Variants in SEMA3A observed in about 807,000 individuals in gnomAD.
SEMA3A encodes the protein semaphorin-3A.
SEMA3A carries 29 observed loss-of-function variants against 97.9 expected under a neutral mutation model. That is an observed-to-expected ratio of 0.30 (90% CI 0.22 to 0.40). The LOEUF is 0.40. SEMA3A is among the 10% of genes least tolerant of loss of function. The pLI is 1.00. For synonymous variants in SEMA3A, 321 were observed against 323.7 expected (o/e 0.99, Z 0.09); for missense variants, 763 against 951.3 (o/e 0.80, Z 2.60).
chr7:84,210,932 T>C (rs1289078070), intron 3 of SEMA3A, among the ~76,000 whole-genome samples: 3 of 152,158 alleles, frequency 2.0e-5, no homozygotes, highest in African/African-American at 7.2e-5. Flanking sequence ...TTTTTTAATG[T>C]TATGGCTAGA....
chr7:84,259,166 C>T (rs1444805151), intron 3 of SEMA3A, among the ~76,000 whole-genome samples: 1 of 152,126 alleles, frequency 6.6e-6, no homozygotes, highest in Non-Finnish European at 1.5e-5. Context: ...GTATTTTAAA[C>T]TAATCAATAA....
At chr7:84,207,704 G>A (rs1221681162) in intron 3 of SEMA3A, among the ~76,000 whole-genome samples, 1 of 152,184 alleles carries the variant, frequency 6.6e-6, no homozygotes, top group Non-Finnish European at 1.5e-5. Flanking sequence ...ACTCAGGCAT[G>A]ATAAAATTTA....
chr7:84,339,769 A>T (rs1802119477), intron 2 of SEMA3A, among the ~76,000 whole-genome samples: 1 of 152,166 alleles, frequency 6.6e-6, no homozygotes, highest in African/African-American at 2.4e-5. Flanking sequence ...TCTGTGAAGT[A>T]GAGCTAAACG....
intron 4 of SEMA3A, among the ~76,000 whole-genome samples, chr7:84,066,039 G>A (rs1191957758): frequency 8.6e-5 from 13 of 151,498 alleles, no homozygotes; most frequent in South Asian, 2.1e-4. Flanking sequence ...CTGGCAAACC[G>A]AATCCAGCAG....
chr7:84,344,374 A>C (rs976640802), intron 2 of SEMA3A, among the ~76,000 whole-genome samples: 1 of 152,192 alleles, frequency 6.6e-6, no homozygotes, highest in African/African-American at 2.4e-5. Flanking sequence ...TCTCTCAGAG[A>C]AGAGCAATTA....
intron 1 of SEMA3A, among the ~76,000 whole-genome samples, chr7:84,384,439 A>G (rs1803349163): frequency 6.6e-6 from 1 of 152,208 alleles, no homozygotes; most frequent in Non-Finnish European, 1.5e-5. Flanking sequence ...AGAATTGTCT[A>G]ACCATAATTT....
At chr7:84,002,955 A>G (rs977734155) in intron 11 of SEMA3A, among the ~76,000 whole-genome samples, 20 of 152,158 alleles carry the variant, frequency 1.3e-4, no homozygotes, top group African/African-American at 4.8e-4. Flanking sequence ...TGATGGAATG[A>G]GGAACAGGGG....
Position 83,992,730 on chromosome 7 carries a change from C to T in SEMA3A, c.1453-7253G>A, listed in dbSNP as rs1444438528. Reference sequence around the variant, plus strand: ...CTTTTACATTTGCTGAGGAGAGCTTCCCTTCCAAGTATGTGGTCAATTTTG... The same window carrying T: ...CTTTTACATTTGCTGAGGAGAGCTTTCCTTCCAAGTATGTGGTCAATTTTG... On this transcript the variant is annotated intron_variant, in intron 12 of 16. Transcript: ENST00000265362. 3.3e-5 allele frequency among the ~76,000 whole-genome samples: 5 copies of T among 151,910 alleles called. No homozygotes were observed. The East Asian group carries it at 7.8e-4, about 24-fold the overall frequency.
chr7:83,977,276 T>A, intron 14 of SEMA3A, 80 bp from the exon 15 acceptor site: 2 of 650,472 alleles, frequency 3.1e-6, no homozygotes, highest in Non-Finnish European at 2.6e-6. Flanking sequence ...TGAAGAGAAA[T>A]AAAATATATA....
chr7:84,064,020 A>G (rs1168894859), intron 4 of SEMA3A, among the ~76,000 whole-genome samples: 1 of 152,072 alleles, frequency 6.6e-6, no homozygotes, highest in African/African-American at 2.4e-5. Context: ...AGCCAGAGAG[A>G]AAGGTCGGGT....
At chr7:84,051,069 A>G (rs905562318) in intron 5 of SEMA3A, among the ~76,000 whole-genome samples, 6 of 151,412 alleles carry the variant, frequency 4.0e-5, no homozygotes, top group African/African-American at 1.5e-4. Context: ...ATTGATCTAT[A>G]TCTCTGTTTT....
rs117595818 is a variant in SEMA3A, at chr7:84,376,277, G to C, written c.-245-4377C>G. Among the ~76,000 whole-genome samples, 1,218 of 152,074 alleles carry C rather than the reference G, an allele frequency of 8.0e-3. 42 individuals are homozygous for C. In the East Asian group the frequency reaches 0.084, roughly 11 times the overall value. ...GAGGAACTTTCACACTGTTTTTTATGGTTGTGCTAATTTACATTCTATCAA... is the reference window on the plus strand; with the variant it reads ...GAGGAACTTTCACACTGTTTTTTATCGTTGTGCTAATTTACATTCTATCAA... On this transcript the variant is annotated intron_variant, in intron 1 of 3. Transcript: ENST00000424555.
chr7:84,385,517 A>G (rs985831307), intron 1 of SEMA3A, among the ~76,000 whole-genome samples: 8 of 152,212 alleles, frequency 5.3e-5, no homozygotes, highest in African/African-American at 1.7e-4. Flanking sequence ...AACACTCAGT[A>G]AGCTTTAATT....
chr7:84,423,130 A>C (rs1361453364), intron 1 of SEMA3A, among the ~76,000 whole-genome samples: 1 of 152,118 alleles, frequency 6.6e-6, no homozygotes, highest in African/African-American at 2.4e-5. Context: ...TATTGTAACA[A>C]TAGAAAAATG....
At chr7:84,252,674 C>T (rs977752) in intron 3 of SEMA3A, among the ~76,000 whole-genome samples, 12,096 of 151,950 alleles carry the variant, frequency 0.08, 661 homozygotes, top group East Asian at 0.29. Context: ...TAAAAGCTTC[C>T]GCTATATAGT....
intron 1 of SEMA3A, among the ~76,000 whole-genome samples, chr7:84,412,198 A>G (rs1008248175): frequency 6.6e-6 from 1 of 152,156 alleles, no homozygotes; most frequent in African/African-American, 2.4e-5. Flanking sequence ...TACAAGGATC[A>G]TGCATGAGGC....
intron 1 of SEMA3A, among the ~76,000 whole-genome samples, chr7:84,453,211 G>T (rs1584336021): frequency 6.6e-6 from 1 of 151,574 alleles, no homozygotes; most frequent in African/African-American, 2.4e-5. Context: ...TAATTTCAGG[G>T]AGTATTATGG....
intron 1 of SEMA3A, among the ~76,000 whole-genome samples, chr7:84,425,103 TA>T (rs1282664328): frequency 1.4e-4 from 15 of 108,006 alleles, no homozygotes; most frequent in Non-Finnish European, 2.5e-4. Flanking sequence ...TATATAAATA[TA>T]AATATATATT....
At position 83,961,192 on chromosome 7, in the gene SEMA3A, A is replaced by C; in HGVS notation, c.*179T>G. Reference sequence around the variant, plus strand: ...GTTAGGTGGTGGTATTAGGAAAAAAAGCCTATTAGGAAAGTTACTCATGGA... The same window carrying C: ...GTTAGGTGGTGGTATTAGGAAAAAACGCCTATTAGGAAAGTTACTCATGGA... On this transcript the variant is annotated 3_prime_UTR_variant, in exon 17 of 17. Coordinates refer to ENST00000265362, the MANE Select transcript of SEMA3A (RefSeq NM_006080.3). 3.3e-6 allele frequency: 2 copies of C among 609,650 alleles called. No homozygotes were observed. Among genetic ancestry groups the C allele is most frequent in the Non-Finnish European group, 2.9e-6 (1 of 344,464 alleles). The allele number at this position is 609,650 out of a possible 1,614,324, so 37.8% of individuals were successfully genotyped here. A position where few individuals can be genotyped will look rare whatever the true frequency, so the allele number is the denominator to read the frequency against.
Sources: gnomAD v4.1 joint callset for allele counts (sites outside exome capture counted in the v4.1 genomes callset) on GRCh38, gnomAD v4.1.1 for gene constraint, MANE v1.5 for transcripts, NCBI Gene and HGNC (gene_info 2026-07-23, HGNC 2026-07-21) for gene names.